Variants in WASF3 observed in about 807,000 individuals in gnomAD.
The protein encoded by WASF3 is WASP family member 3.
A neutral mutation model predicts 46.6 loss-of-function variants in WASF3; 11 were observed. That is an observed-to-expected ratio of 0.24 (90% CI 0.15 to 0.39). WASF3 has a LOEUF of 0.39. Among genes scored for constraint, WASF3 ranks in the 10% least tolerant of loss-of-function variants. The pLI is 1.00. For synonymous variants in WASF3, 242 were observed against 259.7 expected (o/e 0.93, Z 0.65); for missense variants, 576 against 669.8 (o/e 0.86, Z 1.55).
chr13:26,543,009 T>G, the WASF3 span, among the ~76,000 whole-genome samples: 1 of 152,166 alleles, frequency 6.6e-6, no homozygotes, highest in Admixed American at 6.5e-5. Context: ...GTTAAGTAGG[T>G]AATGAACAGT....
At chr13:26,670,057 GTATGTT>G (rs1014763911) in intron 5 of WASF3, among the ~76,000 whole-genome samples, 3 of 152,080 alleles carry the variant, frequency 2.0e-5, no homozygotes, top group African/African-American at 7.2e-5. Context: ...ACATGCACAC[GTATGTT>G]TATTGCAGCA....
At chr13:26,646,427 T>C (rs1335847121) in intron 3 of WASF3, among the ~76,000 whole-genome samples, 3 of 152,170 alleles carry the variant, frequency 2.0e-5, no homozygotes, top group Non-Finnish European at 4.4e-5. Context: ...ACATAATCTG[T>C]TTTTAAATTC....
At chr13:26,647,916 T>C (rs575451271) in intron 3 of WASF3, among the ~76,000 whole-genome samples, 7 of 152,224 alleles carry the variant, frequency 4.6e-5, no homozygotes, top group Admixed American at 2.0e-4. Flanking sequence ...GGTATTTCAT[T>C]GTACATATGG....
At chr13:26,657,319 A>G (rs1882495415) in intron 3 of WASF3, among the ~76,000 whole-genome samples, 1 of 152,232 alleles carries the variant, frequency 6.6e-6, no homozygotes, top group African/African-American at 2.4e-5. Flanking sequence ...TTTTGCTTTT[A>G]TCATCTGTAA....
intron 2 of WASF3, among the ~76,000 whole-genome samples, chr13:26,636,002 A>G (rs1881806286): frequency 6.6e-6 from 1 of 152,242 alleles, no homozygotes; most frequent in Non-Finnish European, 1.5e-5. Flanking sequence ...GTCCGTTCTC[A>G]GAGCTCAAAC....
intron 1 of WASF3, among the ~76,000 whole-genome samples, chr13:26,563,083 C>A (rs1283750336): frequency 6.6e-6 from 1 of 151,366 alleles, no homozygotes; most frequent in African/African-American, 2.4e-5. Context: ...ATTGTGTCTC[C>A]AGGTCGTGAT....
At chr13:26,593,286 C>T (rs906186715) in intron 1 of WASF3, among the ~76,000 whole-genome samples, 1 of 152,302 alleles carries the variant, frequency 6.6e-6, no homozygotes, top group African/African-American at 2.4e-5. Context: ...CTTCCCTCAG[C>T]GTACTGCTTG....
chr13:26,652,481 A>G (rs1337482266), intron 3 of WASF3, among the ~76,000 whole-genome samples: 1 of 152,212 alleles, frequency 6.6e-6, no homozygotes, highest in Non-Finnish European at 1.5e-5. Context: ...ATGTGTAAGG[A>G]TATAGGGGGT....
Position 26,577,032 on chromosome 13 carries a change from C to T in WASF3, c.-109+19213C>T, listed in dbSNP as rs943269089. The T allele has an allele frequency of 2.5e-5, 18 of 720,354 alleles. No homozygotes were observed. The Admixed American group carries it at 3.4e-4, about 13-fold the overall frequency. 44.6% of individuals were successfully genotyped at this position (720,354 alleles called of 1,614,324 possible). A position where few individuals can be genotyped will look rare whatever the true frequency, so the allele number is the denominator to read the frequency against. ...TAAGGAATATTGGAAAGATGCTAGT[C>T]ACCAGGACCCAAGGAAACAAAATTG... is the stretch of plus-strand genomic sequence containing the variant. On this transcript the variant is annotated intron_variant, in intron 1 of 9. Transcript: ENST00000335327.
chr13:26,578,884 G>A (rs1879882689), intron 1 of WASF3, among the ~76,000 whole-genome samples: 1 of 151,608 alleles, frequency 6.6e-6, no homozygotes, highest in African/African-American at 2.4e-5. Flanking sequence ...TTGGATTTTG[G>A]GAAATGCTTT....
chr13:26,653,101 G>A (rs943775803), intron 3 of WASF3, among the ~76,000 whole-genome samples: 3 of 152,108 alleles, frequency 2.0e-5, no homozygotes, highest in African/African-American at 2.4e-5. Flanking sequence ...CACATTGCAC[G>A]CTGATAGGCT....
intron 3 of WASF3, among the ~76,000 whole-genome samples, chr13:26,653,001 C>T (rs776192070): frequency 1.3e-5 from 2 of 152,126 alleles, no homozygotes; most frequent in African/African-American, 2.4e-5. Context: ...ATCTTTCCAC[C>T]TCGCACCTCC....
chr13:26,600,500 T>A (rs1880611465), intron 1 of WASF3, among the ~76,000 whole-genome samples: 1 of 152,166 alleles, frequency 6.6e-6, no homozygotes, highest in African/African-American at 2.4e-5. Flanking sequence ...GTACATTGCT[T>A]CTCATTTTTT....
rs1330755386 is a variant in WASF3, at chr13:26,560,049, C to G, written c.-109+2230C>G. ...GACAGATTGGTCTCGAACTCCTGAC[C>G]TCAGGTTGATCCGCCCACCTCGGCC... is the stretch of plus-strand genomic sequence containing the variant. On this transcript the variant is annotated intron_variant, in intron 1 of 9. Coordinates refer to ENST00000335327, the MANE Select transcript of WASF3 (RefSeq NM_006646.6). Among the ~76,000 whole-genome samples the G allele has an allele frequency of 2.6e-5, 4 of 151,900 alleles. No homozygotes were observed. The South Asian group carries it at 8.3e-4, about 32-fold the overall frequency.
At chr13:26,574,158 T>C (rs374912800) in intron 1 of WASF3, among the ~76,000 whole-genome samples, 11 of 152,224 alleles carry the variant, frequency 7.2e-5, no homozygotes, top group African/African-American at 2.2e-4. Flanking sequence ...CCTTAACATA[T>C]AATTTTCTGT....
At chr13:26,594,738 A>G (rs915339559) in intron 1 of WASF3, among the ~76,000 whole-genome samples, 2 of 152,202 alleles carry the variant, frequency 1.3e-5, no homozygotes, top group African/African-American at 2.4e-5. Context: ...TGCTCTGCCT[A>G]GTCCTTCCCT....
intron 2 of WASF3, chr13:26,639,694 G>A (rs373634921): frequency 1.3e-5 from 2 of 152,320 alleles, no homozygotes; most frequent in South Asian, 2.1e-4. Flanking sequence ...TATAGAAAAT[G>A]TGAGGTATAG....
intron 3 of WASF3, among the ~76,000 whole-genome samples, chr13:26,643,999 G>A (rs1882076954): frequency 6.6e-6 from 1 of 152,200 alleles, no homozygotes; most frequent in Non-Finnish European, 1.5e-5. Context: ...TTTAAGAGAA[G>A]GAGATTACCC....
chr13:26,582,086 C>T (rs1879994965), intron 1 of WASF3, among the ~76,000 whole-genome samples: 1 of 152,174 alleles, frequency 6.6e-6, no homozygotes, highest in Non-Finnish European at 1.5e-5. Flanking sequence ...AGTCTGATTT[C>T]TAACTCATTT....
Sources: allele counts gnomAD v4.1 joint callset (sites outside exome capture counted in the v4.1 genomes callset), GRCh38; gene constraint gnomAD v4.1.1; transcripts MANE v1.5; gene names NCBI Gene and HGNC (gene_info 2026-07-23, HGNC 2026-07-21).